ZHX2: variants seen among roughly 807,000 people sequenced by gnomAD.
ZHX2 encodes the protein zinc fingers and homeoboxes protein 2.
ZHX2 carries 6 observed loss-of-function variants against 21.9 expected under a neutral mutation model. That is an observed-to-expected ratio of 0.27 (90% CI 0.15 to 0.54). The LOEUF (loss-of-function observed/expected upper bound fraction) is 0.54, where lower values mean the gene tolerates loss of function less well. ZHX2 is among the 20% of genes least tolerant of loss of function. The pLI, the probability that ZHX2 is intolerant of heterozygous loss-of-function variation, is 0.95. For missense variants in ZHX2, 908 were observed against 1,090.7 expected, an observed-to-expected ratio of 0.83 and a Z score of 2.36; for synonymous variants, 434 against 437.1, an observed-to-expected ratio of 0.99 and a Z score of 0.09.
intron 1 of ZHX2, among the ~76,000 whole-genome samples, chr8:122,798,144 T>C (rs2130561597): frequency 6.6e-6 from 1 of 152,270 alleles, no homozygotes; most frequent in Non-Finnish European, 1.5e-5. Flanking sequence ...GGGAGTATGT[T>C]GGGGGATACA....
chr8:122,933,269 GATATTATAA>G (rs1275688023), intron 2 of ZHX2, among the ~76,000 whole-genome samples: 3 of 152,136 alleles, frequency 2.0e-5, no homozygotes, highest in Admixed American at 1.3e-4. Flanking sequence ...AAGAATTGTC[GATATTATAA>G]ATCCCTGTAG....
At chr8:122,799,258 G>A (rs1014444084) in intron 1 of ZHX2, among the ~76,000 whole-genome samples, 2 of 152,192 alleles carry the variant, frequency 1.3e-5, no homozygotes, top group Non-Finnish European at 2.9e-5. Context: ...CCACGCAGCT[G>A]CAAGGTTTGA....
chr8:122,959,403 C>T (rs200637393), intron 3 of ZHX2, among the ~76,000 whole-genome samples: 33 of 137,644 alleles, frequency 2.4e-4, no homozygotes, highest in East Asian at 4.3e-4. Context: ...AATGAACGAA[C>T]GAATTAATTA....
chr8:122,896,395 A>G (rs1820101945), intron 2 of ZHX2, among the ~76,000 whole-genome samples: 1 of 152,206 alleles, frequency 6.6e-6, no homozygotes, highest in Non-Finnish European at 1.5e-5. Context: ...TGAACATAAA[A>G]GCCTATGACA....
intron 1 of ZHX2, among the ~76,000 whole-genome samples, chr8:122,803,199 C>T (rs1253076311): frequency 6.6e-6 from 1 of 152,156 alleles, no homozygotes; most frequent in South Asian, 2.1e-4. Flanking sequence ...CCCCACTCTA[C>T]CCCTAAAAAA....
At chr8:122,789,159 G>T (rs1245157425) in intron 1 of ZHX2, among the ~76,000 whole-genome samples, 4 of 152,202 alleles carry the variant, frequency 2.6e-5, no homozygotes, top group African/African-American at 9.7e-5. Context: ...CGGAGGGAGG[G>T]TGGAGAATGG....
intron 2 of ZHX2, among the ~76,000 whole-genome samples, chr8:122,880,130 C>G (rs545542109): frequency 3.9e-5 from 6 of 151,974 alleles, no homozygotes; most frequent in African/African-American, 9.6e-5. Flanking sequence ...CGCCACCAAA[C>G]CTGGCTAATT....
chr8:122,863,876 T>C (rs1177480823), intron 2 of ZHX2, among the ~76,000 whole-genome samples: 1 of 152,006 alleles, frequency 6.6e-6, no homozygotes, highest in Admixed American at 6.6e-5. Context: ...GAGATATTCT[T>C]AGAACAGAGA....
rs1379844230 is a variant in ZHX2 at position 122,782,094 on chromosome 8, GC to G, written c.-283+150del. 4 of 137,608 alleles carry G rather than the reference GC, an allele frequency of 2.9e-5. No homozygotes were observed. In the Admixed American group the frequency reaches 2.9e-4, roughly 10 times the overall value. The allele number at this position is 137,608 out of a possible 1,614,324, so 8.5% of individuals were successfully genotyped here. On this transcript the variant is annotated intron_variant, in intron 1 of 3. Coordinates refer to ENST00000314393, the MANE Select transcript of ZHX2 (RefSeq NM_014943.5). This position sits in a 1 kb window ranked among gnomAD's most constrained non-coding sequence, Gnocchi z 5.3. The stretch of plus-strand genomic sequence containing the variant: ...GAAAATGTGTTGTTAATGGGACTTG[GC>G]CGGGTTTGTGATTGGAAGGGGGGTA...
intron 3 of ZHX2, among the ~76,000 whole-genome samples, chr8:122,955,615 T>C (rs16897801): frequency 0.032 from 4,917 of 152,220 alleles, 117 homozygotes; most frequent in Admixed American, 0.074. Flanking sequence ...TGCCATCATG[T>C]TCCATTCTCC....
At chr8:122,867,802 C>T (rs1193812904) in intron 2 of ZHX2, among the ~76,000 whole-genome samples, 2 of 152,176 alleles carry the variant, frequency 1.3e-5, no homozygotes, top group Non-Finnish European at 2.9e-5. Flanking sequence ...TTCTTTTCCC[C>T]CGTACCACCT....
At chr8:122,872,643 A>G (rs1039045233) in intron 2 of ZHX2, among the ~76,000 whole-genome samples, 5 of 152,214 alleles carry the variant, frequency 3.3e-5, no homozygotes, top group African/African-American at 4.8e-5. Flanking sequence ...GAAAACACCT[A>G]TAACTCGTAG....
intron 1 of ZHX2, among the ~76,000 whole-genome samples, chr8:122,849,649 G>C (rs2130736548): frequency 6.6e-6 from 1 of 152,206 alleles, no homozygotes; most frequent in East Asian, 1.9e-4. Flanking sequence ...GTGGACACTT[G>C]CCATTGGATT....
chr8:122,942,772 T>C (rs1479243753), intron 2 of ZHX2, among the ~76,000 whole-genome samples: 2 of 152,188 alleles, frequency 1.3e-5, no homozygotes, highest in Non-Finnish European at 2.9e-5. Context: ...ATCCATTTTT[T>C]CCTTCTCCCA....
chr8:122,897,541 T>C (rs187320982), intron 2 of ZHX2, among the ~76,000 whole-genome samples: 1 of 152,356 alleles, frequency 6.6e-6, no homozygotes, highest in African/African-American at 2.4e-5. Context: ...TTTGTCTGTT[T>C]ATCTTCTTAA....
intron 2 of ZHX2, among the ~76,000 whole-genome samples, chr8:122,893,914 G>T (rs959270718): frequency 3.3e-4 from 50 of 152,270 alleles, no homozygotes; most frequent in African/African-American, 1.2e-3. Flanking sequence ...TCCCTATATT[G>T]ATATCTGTGC....
At chr8:122,923,771 G>A (rs553836158) in intron 2 of ZHX2, among the ~76,000 whole-genome samples, 6 of 152,254 alleles carry the variant, frequency 3.9e-5, no homozygotes, top group African/African-American at 1.2e-4. Context: ...ACATTTCAGG[G>A]TAGCTGGCTT....
At chr8:122,943,958 T>G (rs913473952) in intron 2 of ZHX2, among the ~76,000 whole-genome samples, 1 of 152,222 alleles carries the variant, frequency 6.6e-6, no homozygotes, top group African/African-American at 2.4e-5. Flanking sequence ...GCCTCCTCTC[T>G]ACCTCTGCCC....
chr8:122,908,752 T>G (rs557488802), intron 2 of ZHX2, among the ~76,000 whole-genome samples: 1 of 152,292 alleles, frequency 6.6e-6, no homozygotes, highest in Non-Finnish European at 1.5e-5. Context: ...AGTGAACGAC[T>G]GTGGCTAGGG....
Sources: gnomAD v4.1 joint callset for allele counts (sites outside exome capture counted in the v4.1 genomes callset) on GRCh38, gnomAD v4.1.1 for gene constraint, Gnocchi (gnomAD v3.1) non-coding constraint, MANE v1.5 for transcripts, NCBI Gene and HGNC (gene_info 2026-07-23, HGNC 2026-07-21) for gene names.